The following SCTR variants were observed in gnomAD, a reference collection of about 807,000 sequenced individuals.
SCTR encodes the protein secretin receptor.
Under a neutral mutation model 60.8 loss-of-function variants are expected in SCTR, and 56 were observed. The ratio of observed to expected loss-of-function variants is 0.92; its 90% CI spans 0.74 to 1.15. The LOEUF is 1.15. Ranked by LOEUF, SCTR falls within the 50% of genes most tolerant of loss-of-function variation. The pLI is 0.00. For missense variants in SCTR, 562 were observed against 550.4 expected (o/e 1.02, Z -0.21); for synonymous variants, 202 against 217.0 (o/e 0.93, Z 0.61).
intron 1 of SCTR, among the ~76,000 whole-genome samples, chr2:119,498,797 C>A (rs919942389): frequency 2.0e-5 from 3 of 151,708 alleles, no homozygotes; most frequent in Non-Finnish European, 4.4e-5. Context: ...CACAAGAAGG[C>A]AGAGAAAAGT....
intron 12 of SCTR, among the ~76,000 whole-genome samples, chr2:119,440,588 G>T (rs1036569342): frequency 2.2e-4 from 34 of 152,236 alleles, no homozygotes; most frequent in Non-Finnish European, 4.0e-4. Context: ...GAGAGGAAAA[G>T]AATCCCGGAT....
intron 1 of SCTR, among the ~76,000 whole-genome samples, chr2:119,511,582 T>C (rs1042865360): frequency 6.6e-6 from 1 of 152,184 alleles, no homozygotes; most frequent in African/African-American, 2.4e-5. Flanking sequence ...TACACATCTA[T>C]CCACAGTCCT....
At chr2:119,454,989 T>C (rs983169373) in intron 7 of SCTR, among the ~76,000 whole-genome samples, 1 of 152,252 alleles carries the variant, frequency 6.6e-6, no homozygotes, top group African/African-American at 2.4e-5. Context: ...TTTTACTGTG[T>C]TGATTGTGGC....
Position 119,444,430 on chromosome 2 carries a change from A to ATAT in SCTR, c.1140+2328_1140+2329insATA, listed in dbSNP as rs1558831267. 3.4e-3 allele frequency among the ~76,000 whole-genome samples: 254 copies of ATAT among 73,754 alleles called. 38 individuals are homozygous for ATAT. Among genetic ancestry groups the ATAT allele is most frequent in the African/African-American group, 0.014 (238 of 17,024 alleles). The allele number at this position is 73,754 out of a possible 152,430, so 48.4% of individuals were successfully genotyped here. On this transcript the variant is annotated intron_variant, in intron 11 of 12. Coordinates refer to ENST00000019103, the MANE Select transcript of SCTR (RefSeq NM_002980.3). Reference sequence around the variant, plus strand: ...GAATATATATACCCATATACGTATGAATATACACATATATATACGTACGTA... The same window carrying ATAT: ...GAATATATATACCCATATACGTATGATATATATACACATATATATACGTACGTA...
intron 1 of SCTR, among the ~76,000 whole-genome samples, chr2:119,513,397 G>A (rs1223004269): frequency 1.3e-5 from 2 of 152,006 alleles, no homozygotes; most frequent in Non-Finnish European, 2.9e-5. Flanking sequence ...AATGCCCTAA[G>A]CATATTTAAA....
Position 119,452,018 on chromosome 2 carries a change from A to T in SCTR, c.913T>A (p.Ser305Thr). The T allele has an allele frequency of 1.3e-6, 2 of 1,599,980 alleles. No homozygotes were observed. Among genetic ancestry groups the T allele is most frequent in the African/African-American group, 2.7e-5 (2 of 74,826 alleles). Reference protein sequence around the residue: ...WWIIRGPVILSILINFILFIN... With the variant: ...WWIIRGPVILTILINFILFIN... ...AGAGGAGGGCCACTCACCAGGATGGAGAGGATCACAGGACCACGAATGATC... is the reference window on the plus strand; with the variant it reads ...AGAGGAGGGCCACTCACCAGGATGGTGAGGATCACAGGACCACGAATGATC... The change falls in exon 9 of 13, where the codon TCC (serine) becomes ACC (threonine). Residue 305 changes from serine (S) to threonine (T), a missense_variant. By Grantham distance (58) the Ser-to-Thr change is moderately conservative. Coordinates refer to ENST00000019103, the MANE Select transcript of SCTR (RefSeq NM_002980.3).
intron 4 of SCTR, among the ~76,000 whole-genome samples, chr2:119,471,960 T>A (rs1677035708): frequency 6.6e-6 from 1 of 152,188 alleles, no homozygotes; most frequent in Non-Finnish European, 1.5e-5. Flanking sequence ...CAGCTGGCAC[T>A]CAGTAGATGT....
At chr2:119,446,321 T>C (rs1682923409) in intron 11 of SCTR, among the ~76,000 whole-genome samples, 1 of 152,168 alleles carries the variant, frequency 6.6e-6, no homozygotes, top group Admixed American at 6.5e-5. Context: ...TGAGGAGTTT[T>C]CAGTCTAGGG....
chr2:119,500,315 G>A (rs185737070), intron 1 of SCTR, among the ~76,000 whole-genome samples: 73 of 152,198 alleles, frequency 4.8e-4, no homozygotes, highest in African/African-American at 1.6e-3. Flanking sequence ...CAGTATGGAG[G>A]TTTCTCAAAA....
chr2:119,512,549 A>T (rs1678990958), intron 1 of SCTR, among the ~76,000 whole-genome samples: 1 of 147,412 alleles, frequency 6.8e-6, no homozygotes, highest in African/African-American at 2.7e-5. Context: ...GGTGCGTGCC[A>T]CCAAGCCCAG....
At chr2:119,521,067 C>T (rs1203746350) in intron 1 of SCTR, among the ~76,000 whole-genome samples, 2 of 152,200 alleles carry the variant, frequency 1.3e-5, no homozygotes. Flanking sequence ...ATGCACAGGA[C>T]AGCTCTCAGA....
At chr2:119,453,174 C>A (rs1258678962) in intron 8 of SCTR, 113 bp downstream of exon 8, 1 of 796,418 alleles carries the variant, frequency 1.3e-6, no homozygotes, top group Non-Finnish European at 2.1e-6. Flanking sequence ...TCATCTGTGG[C>A]CTCTACTTTG....
intron 7 of SCTR, among the ~76,000 whole-genome samples, chr2:119,453,952 G>A (rs1683271734): frequency 6.6e-6 from 1 of 152,180 alleles, no homozygotes; most frequent in South Asian, 2.1e-4. Context: ...CTAGTTAAAC[G>A]TGGCAAACTG....
chr2:119,487,504 C>T (rs1041081516), intron 2 of SCTR, among the ~76,000 whole-genome samples: 2 of 152,092 alleles, frequency 1.3e-5, no homozygotes, highest in African/African-American at 4.8e-5. Context: ...TGTGACACAG[C>T]AGGACACATG....
intron 5 of SCTR, among the ~76,000 whole-genome samples, chr2:119,464,920 TA>T (rs1393658059): frequency 3.9e-5 from 6 of 152,152 alleles, no homozygotes; most frequent in African/African-American, 1.4e-4. Flanking sequence ...ACTTAGCAGC[TA>T]TATGACCTTG....
intron 4 of SCTR, among the ~76,000 whole-genome samples, chr2:119,470,873 G>A (rs898179212): frequency 6.6e-6 from 1 of 152,178 alleles, no homozygotes; most frequent in Non-Finnish European, 1.5e-5. Flanking sequence ...GCTAATTTTT[G>A]TATTTTTAGT....
chr2:119,462,014 G>A lies in SCTR; in HGVS notation c.637-14C>T. 6.3e-7 allele frequency: 1 copy of A among 1,589,432 alleles called. No individual in the cohort carries two copies. On this transcript the variant is annotated splice_polypyrimidine_tract_variant and intron_variant, in intron 6 of 12. Transcript: ENST00000019103. The stretch of plus-strand genomic sequence containing the variant: ...CTTGCAGCCCGCCTGGAGAGAGAGA[G>A]GCAGCTGAACCCAGGCCGGGTGGCA...
chr2:119,523,427 A>G (rs1481808227), intron 1 of SCTR, among the ~76,000 whole-genome samples: 2 of 146,816 alleles, frequency 1.4e-5, no homozygotes, highest in African/African-American at 5.0e-5. Flanking sequence ...TATTATTATT[A>G]TTATTATTAT....
intron 1 of SCTR, among the ~76,000 whole-genome samples, chr2:119,507,346 A>G (rs546024738): frequency 1.3e-5 from 2 of 152,228 alleles, no homozygotes; most frequent in East Asian, 1.9e-4. Flanking sequence ...AAGAAAATGC[A>G]TGAAAATATT....
Sources: gnomAD v4.1 joint callset for allele counts (sites outside exome capture counted in the v4.1 genomes callset) on GRCh38, gnomAD v4.1.1 for gene constraint, MANE v1.5 for transcripts, NCBI Gene and HGNC (gene_info 2026-07-23, HGNC 2026-07-21) for gene names.